Variants in GABBR2 observed in about 807,000 individuals in gnomAD.
GABBR2 encodes the protein G-protein coupled receptor 51.
In GABBR2, 23 loss-of-function variants were observed where a neutral mutation model predicts 105.6. The ratio of observed to expected loss-of-function variants is 0.22; its 90% CI spans 0.16 to 0.31. GABBR2 has a LOEUF of 0.31. Among genes scored for constraint, GABBR2 ranks in the 10% least tolerant of loss-of-function variants. The probability of loss-of-function intolerance (pLI) is 1.00; values close to 1 mark genes in which losing one functional copy is unlikely to be tolerated. For synonymous variants in GABBR2, 478 were observed against 499.7 expected, an observed-to-expected ratio of 0.96 and a Z score of 0.58; for missense variants, 734 against 1,245.5, an observed-to-expected ratio of 0.59 and a Z score of 6.18.
At chr9:98,352,877 G>A (rs931404219) in intron 13 of GABBR2, among the ~76,000 whole-genome samples, 1 of 152,120 alleles carries the variant, frequency 6.6e-6, no homozygotes, top group African/African-American at 2.4e-5. Flanking sequence ...CCCTCTGGGT[G>A]GATGTGGGGG....
At chr9:98,415,644 AT>A (rs953069417) in intron 7 of GABBR2, among the ~76,000 whole-genome samples, 2 of 152,038 alleles carry the variant, frequency 1.3e-5, no homozygotes, top group Non-Finnish European at 1.5e-5. Context: ...GTTATTTAAG[AT>A]TTTTTTCCCC....
intron 1 of GABBR2, among the ~76,000 whole-genome samples, chr9:98,675,874 A>G (rs1830470896): frequency 6.6e-6 from 1 of 152,220 alleles, no homozygotes; most frequent in African/African-American, 2.4e-5. Flanking sequence ...TTTCCAGAGC[A>G]TCTGTGTGGC....
At chr9:98,383,055 C>T (rs936289936) in intron 11 of GABBR2, among the ~76,000 whole-genome samples, 1 of 152,072 alleles carries the variant, frequency 6.6e-6, no homozygotes, top group African/African-American at 2.4e-5. Flanking sequence ...ATTCTCCTGC[C>T]CTCAGCCTCC....
At chr9:98,660,850 A>G (rs919791949) in intron 1 of GABBR2, among the ~76,000 whole-genome samples, 3 of 152,178 alleles carry the variant, frequency 2.0e-5, no homozygotes, top group African/African-American at 7.2e-5. Context: ...TTCTTATAAG[A>G]ACCCTTGTGA....
At chr9:98,408,395 C>G (rs773871477) in intron 7 of GABBR2, among the ~76,000 whole-genome samples, 6 of 152,172 alleles carry the variant, frequency 3.9e-5, no homozygotes, top group Non-Finnish European at 7.3e-5. Context: ...TGTTGAGGGT[C>G]TGCATCAGGG....
At chr9:98,426,333 G>A (rs1444118144) in intron 7 of GABBR2, among the ~76,000 whole-genome samples, 1 of 152,202 alleles carries the variant, frequency 6.6e-6, no homozygotes, top group Non-Finnish European at 1.5e-5. Context: ...TGGCATGCTG[G>A]CTCCGTGTAT....
At chr9:98,551,705 G>A (rs540463491) in intron 2 of GABBR2, among the ~76,000 whole-genome samples, 18 of 152,314 alleles carry the variant, frequency 1.2e-4, no homozygotes, top group African/African-American at 4.3e-4. Flanking sequence ...TGAACCATGA[G>A]TCACTTTAAC....
At chr9:98,506,342 T>C (rs1336854228) in intron 3 of GABBR2, among the ~76,000 whole-genome samples, 1 of 152,206 alleles carries the variant, frequency 6.6e-6, no homozygotes, top group Non-Finnish European at 1.5e-5. Flanking sequence ...CAGGATCCTG[T>C]GTAGTGCCTG....
chr9:98,540,123 C>T (rs1416045408), intron 3 of GABBR2, among the ~76,000 whole-genome samples: 1 of 152,100 alleles, frequency 6.6e-6, no homozygotes, highest in Non-Finnish European at 1.5e-5. Context: ...CAATGAGTCA[C>T]TCCCGCTGGA....
At chr9:98,611,555 C>T (rs980332890) in intron 1 of GABBR2, among the ~76,000 whole-genome samples, 1 of 152,176 alleles carries the variant, frequency 6.6e-6, no homozygotes, top group African/African-American at 2.4e-5. Flanking sequence ...AAACCCAAGC[C>T]ATAGGCTAGC....
intron 1 of GABBR2, among the ~76,000 whole-genome samples, chr9:98,669,347 C>T (rs10739678): frequency 0.81 from 123,694 of 152,156 alleles, 50,376 homozygotes; most frequent in Middle Eastern, 0.91. Flanking sequence ...AATGGCCATT[C>T]GTTTATCTTC....
At position 98,594,992 on chromosome 9, in the gene GABBR2, G is replaced by A. The variant is rs550692199; in HGVS notation, c.322-16920C>T. ...AGAGCCCGGTTCTCAGGGAGCTCAC[G>A]TGCCAGCGGGGATGAGAGAGGGCAC... On this transcript the variant is annotated intron_variant, in intron 1 of 18. Transcript: ENST00000259455. 1.7e-3 allele frequency among the ~76,000 whole-genome samples: 261 copies of A among 152,316 alleles called. 2 individuals carry two copies. Among genetic ancestry groups the A allele is most frequent in the African/African-American group, 5.5e-3 (228 of 41,580 alleles).
Position 98,708,472 on chromosome 9 carries a change from C to T in GABBR2, c.266G>A (p.Arg89His). ...PAVELAIEQI[R>H]NESLLRPYFL... ...GTAGGGGCGCAGGAGTGACTCGTTG[C>T]GGATCTGCTCGATGGCCAGTTCCAC... Residue 89 changes from arginine to histidine, a missense_variant, in exon 1 of 19, where the codon CGC (arginine) becomes CAC (histidine). By Grantham distance (29) the Arg-to-His change is conservative. This residue lies in a region of GABBR2 where 370 missense variants were observed against 648.9 expected (regional missense o/e 0.57). Transcript: ENST00000259455. 1.3e-6 allele frequency: 2 copies of T among 1,582,050 alleles called. No individual in the cohort carries two copies. Among genetic ancestry groups the T allele is most frequent in the Non-Finnish European group, 1.7e-6 (2 of 1,163,156 alleles).
intron 13 of GABBR2, among the ~76,000 whole-genome samples, chr9:98,323,478 A>C (rs920346431): frequency 6.6e-6 from 1 of 152,160 alleles, no homozygotes; most frequent in South Asian, 2.1e-4. Flanking sequence ...TGCCCCACCC[A>C]GCTGCATCTT....
intron 8 of GABBR2, among the ~76,000 whole-genome samples, chr9:98,397,347 C>T (rs149710542): frequency 3.3e-5 from 5 of 152,230 alleles, no homozygotes; most frequent in African/African-American, 1.2e-4. Flanking sequence ...TTCATTCATT[C>T]AACAAACATT....
intron 1 of GABBR2, among the ~76,000 whole-genome samples, chr9:98,613,356 C>T (rs1168655200): frequency 6.6e-6 from 1 of 151,724 alleles, no homozygotes; most frequent in Admixed American, 6.6e-5. Flanking sequence ...ACAAGAATCG[C>T]GTGAGCCCAG....
chr9:98,640,914 CT>C (rs1829951564), intron 1 of GABBR2, among the ~76,000 whole-genome samples: 2 of 152,256 alleles, frequency 1.3e-5, no homozygotes, highest in South Asian at 4.1e-4. Context: ...GGCTGAGTTT[CT>C]GAAATTTCTG....
intron 1 of GABBR2, among the ~76,000 whole-genome samples, chr9:98,584,379 T>A (rs2779528): frequency 0.12 from 17,928 of 152,174 alleles, 1,382 homozygotes; most frequent in Admixed American, 0.21. Flanking sequence ...CTGGTATTTG[T>A]TATTACCTTC....
rs868811455 is a variant in GABBR2, at chr9:98,586,289, T to C, written c.322-8217A>G. Among the ~76,000 whole-genome samples, 1,042 of 149,160 alleles carry C rather than the reference T, an allele frequency of 7.0e-3. 10 individuals carry two copies. Among genetic ancestry groups the C allele is most frequent in the African/African-American group, 0.023 (961 of 41,080 alleles). Reference sequence around the variant, plus strand: ...TCTTTTCTTCTCTTTTCTTTCTTTTTTTTTTTTTTTTTTGTTTGTTTGTTT... The same window carrying C: ...TCTTTTCTTCTCTTTTCTTTCTTTTCTTTTTTTTTTTTTGTTTGTTTGTTT... On this transcript the variant is annotated intron_variant, in intron 1 of 18. Transcript: ENST00000259455.
Sources: allele counts gnomAD v4.1 joint callset (sites outside exome capture counted in the v4.1 genomes callset), GRCh38; gene constraint gnomAD v4.1.1; regional missense constraint gnomAD v4.1.1; transcripts MANE v1.5; gene names NCBI Gene and HGNC (gene_info 2026-07-23, HGNC 2026-07-21).